SIK2: variants seen among roughly 807,000 people sequenced by gnomAD.
The protein encoded by SIK2 is salt inducible kinase 2.
Under a neutral mutation model 103.2 loss-of-function variants are expected in SIK2, and 29 were observed. The observed-to-expected ratio is 0.28, with a 90% CI of 0.21 to 0.38. The LOEUF (loss-of-function observed/expected upper bound fraction) is 0.38. SIK2 is among the 10% of genes least tolerant of loss of function. The pLI is 1.00. For synonymous variants in SIK2, 412 were observed against 446.1 expected (o/e 0.92, Z 0.96); for missense variants, 879 against 1,171.0 (o/e 0.75, Z 3.64).
chr11:111,615,201 A>G (rs1319699246), intron 1 of SIK2, among the ~76,000 whole-genome samples: 1 of 151,674 alleles, frequency 6.6e-6, no homozygotes, highest in Non-Finnish European at 1.5e-5. Context: ...CTGTAATCCC[A>G]GCACTTTGGG....
chr11:111,710,821 T>G (rs1943474295), intron 8 of SIK2, among the ~76,000 whole-genome samples: 1 of 152,182 alleles, frequency 6.6e-6, no homozygotes, highest in Non-Finnish European at 1.5e-5. Flanking sequence ...CAGGTCTTGG[T>G]AGAGGAGAAG....
chr11:111,604,390 A>C (rs1029168436), intron 1 of SIK2, among the ~76,000 whole-genome samples: 1 of 152,240 alleles, frequency 6.6e-6, no homozygotes, highest in Non-Finnish European at 1.5e-5. Flanking sequence ...TTGAATTCCA[A>C]ATCCATCAGT....
Position 111,701,481 on chromosome 11 carries a change from C to G in SIK2, c.633C>G (p.Val211=). The change falls in exon 6 of 15, where the codon GTC becomes GTG. Residue 211 remains valine, a synonymous_variant. Coordinates refer to ENST00000304987, the MANE Select transcript of SIK2 (RefSeq NM_015191.3). The surrounding 1 kb of genome is among the most constrained non-coding windows in gnomAD (Gnocchi z 4.2). ...WSMGVVLYVL[V]CGALPFDGPT... ...TGGGAGTTGTTCTTTATGTCCTTGT[C>G]TGTGGAGCTCTGCCCTTTGATGGAC... 1 of 1,613,838 alleles carries G rather than the reference C, an allele frequency of 6.2e-7. No homozygotes were observed. The highest frequency in any genetic ancestry group is 8.5e-7 in the Non-Finnish European group (1 of 1,179,816).
At chr11:111,609,398 T>G (rs1280165279) in intron 1 of SIK2, among the ~76,000 whole-genome samples, 2 of 152,128 alleles carry the variant, frequency 1.3e-5, no homozygotes, top group Admixed American at 1.3e-4. Context: ...TACACCTCAC[T>G]GCAGCCTCCA....
At chr11:111,623,415 T>C (rs149339988) in intron 3 of SIK2, among the ~76,000 whole-genome samples, 1 of 152,344 alleles carries the variant, frequency 6.6e-6, no homozygotes, top group East Asian at 1.9e-4. Flanking sequence ...TCATTACATG[T>C]CTGGTAGTCT....
At position 111,724,264 on chromosome 11, in the gene SIK2, C is replaced by T; in HGVS notation, c.*135C>T. ...AGAAATCGAGCCACCCAACTGGAAT[C>T]AGAGGGTCTGGCTGGGGTGGATGTT... On this transcript the variant is annotated 3_prime_UTR_variant, in exon 15 of 15. Transcript: ENST00000304987. 7 of 1,281,984 alleles carry T rather than the reference C, an allele frequency of 5.5e-6. No individual in the cohort carries two copies. The highest frequency in any genetic ancestry group is 6.3e-6 in the Non-Finnish European group (6 of 956,408). 79.4% of individuals were successfully genotyped at this position (1,281,984 alleles called of 1,614,324 possible).
At chr11:111,719,631 G>C in intron 9 of SIK2, 144 bp from the exon 10 acceptor site, 1 of 813,606 alleles carries the variant, frequency 1.2e-6, no homozygotes, top group Non-Finnish European at 1.9e-6. Context: ...TCTAATCTAT[G>C]TGTTGTCATG....
chr11:111,702,706 C>G (rs1304925423), intron 6 of SIK2, among the ~76,000 whole-genome samples: 1 of 152,142 alleles, frequency 6.6e-6, no homozygotes, highest in Admixed American at 6.5e-5. Context: ...CTCAAAGTTG[C>G]AGCAGTGCGG....
intron 1 of SIK2, among the ~76,000 whole-genome samples, chr11:111,615,576 C>T (rs1941795058): frequency 6.6e-6 from 1 of 152,040 alleles, no homozygotes; most frequent in African/African-American, 2.4e-5. Context: ...CATATGTAAT[C>T]CCTTCAAATT....
At chr11:111,672,398 T>TGGAGACA (rs1942641758) in intron 3 of SIK2, 8 of 446,136 alleles carry the variant, frequency 1.8e-5, no homozygotes, top group Non-Finnish European at 2.9e-5. Context: ...GTCACCCTGA[T>TGGAGACA]GGACACAGTG....
At position 111,729,159 on chromosome 11, in the gene SIK2, G is replaced by T. The variant is rs945848030; in HGVS notation, c.*5030G>T. 2 of 152,114 alleles carry T rather than the reference G, an allele frequency of 1.3e-5. No homozygotes were observed. Among genetic ancestry groups the T allele is most frequent in the Non-Finnish European group, 2.9e-5 (2 of 68,052 alleles). 9.4% of individuals were successfully genotyped at this position (152,114 alleles called of 1,614,324 possible). On this transcript the variant is annotated 3_prime_UTR_variant, in exon 15 of 15. Coordinates refer to ENST00000304987, the MANE Select transcript of SIK2 (RefSeq NM_015191.3). ...ATTTTACCATTTTTGTCCTAATTAA[G>T]GTAGCCTAGCTGATTCTAGAAGACA...
chr11:111,634,028 G>A (rs1416623381), intron 3 of SIK2, among the ~76,000 whole-genome samples: 1 of 152,170 alleles, frequency 6.6e-6, no homozygotes, highest in Admixed American at 6.5e-5. Context: ...ATCTTAGGGT[G>A]ATCACCTCGT....
Position 111,724,400 on chromosome 11 carries a change from G to A in SIK2, c.*271G>A. ...CGAGTGGAGCAAGCTCTCGAGGGCAGCACTGACAAATGTGTTCCTAAGAAG... is the reference window on the plus strand; with the variant it reads ...CGAGTGGAGCAAGCTCTCGAGGGCAACACTGACAAATGTGTTCCTAAGAAG... On this transcript the variant is annotated 3_prime_UTR_variant, in exon 15 of 15. Transcript: ENST00000304987. 4.2e-6 allele frequency: 2 copies of A among 478,654 alleles called. No individual in the cohort carries two copies. The highest frequency in any genetic ancestry group is 2.6e-5 in the South Asian group (1 of 37,976). The allele number at this position is 478,654 out of a possible 1,614,324, so 29.7% of individuals were successfully genotyped here. A position where few individuals can be genotyped will look rare whatever the true frequency, so the allele number is the denominator to read the frequency against.
chr11:111,631,898 C>T (rs1015424239), intron 3 of SIK2, among the ~76,000 whole-genome samples: 5 of 152,110 alleles, frequency 3.3e-5, no homozygotes, highest in South Asian at 4.1e-4. Context: ...AATGCATCTA[C>T]GGTGTGTGAT....
chr11:111,663,203 AGCCTGG>A lies in SIK2; in HGVS notation c.317-24795_317-24790del, dbSNP rs549793647. On this transcript the variant is annotated intron_variant, in intron 3 of 14. Transcript: ENST00000304987. Reference sequence around the variant, plus strand: ...AGTCGTGATCACACCACTGCACTCCAGCCTGGGCAACAGAGTGAGACCCTATTTCAA... The same window carrying A: ...AGTCGTGATCACACCACTGCACTCCAGCAACAGAGTGAGACCCTATTTCAA... 9.9e-5 allele frequency among the ~76,000 whole-genome samples: 15 copies of A among 151,178 alleles called. No individual in the cohort carries two copies. The South Asian group carries it at 1.7e-3, about 17-fold the overall frequency.
chr11:111,693,946 C>T (rs1167063537), intron 4 of SIK2, among the ~76,000 whole-genome samples: 3 of 152,168 alleles, frequency 2.0e-5, no homozygotes, highest in South Asian at 2.1e-4. Context: ...ACCTTGACCA[C>T]GTTTCCTGAC....
At chr11:111,642,153 T>C (rs1942191930) in intron 3 of SIK2, among the ~76,000 whole-genome samples, 1 of 152,132 alleles carries the variant, frequency 6.6e-6, no homozygotes, top group Admixed American at 6.5e-5. Context: ...AGGGGCTCCC[T>C]CCACACCAAC....
At chr11:111,677,714 C>T (rs1445032548) in intron 3 of SIK2, among the ~76,000 whole-genome samples, 2 of 151,552 alleles carry the variant, frequency 1.3e-5, no homozygotes, top group Non-Finnish European at 2.9e-5. Flanking sequence ...CAGGCTTGAG[C>T]CACCACGCCC....
At position 111,726,942 on chromosome 11, in the gene SIK2, GTTC is replaced by G. The variant is rs1943988550; in HGVS notation, c.*2816_*2818del. On this transcript the variant is annotated 3_prime_UTR_variant, in exon 15 of 15. Coordinates refer to ENST00000304987, the MANE Select transcript of SIK2 (RefSeq NM_015191.3). ...ATATGTGTGGTACTTTATTTTTTAT[GTTC>G]TTTTTTTAAATCTGGGGTATTAGTC... The G allele has an allele frequency of 6.2e-7, 1 of 1,607,448 alleles. No homozygotes were observed. The highest frequency in any genetic ancestry group is 8.5e-7 in the Non-Finnish European group (1 of 1,174,148).
Sources: allele counts gnomAD v4.1 joint callset (sites outside exome capture counted in the v4.1 genomes callset), GRCh38; gene constraint gnomAD v4.1.1; non-coding constraint Gnocchi (gnomAD v3.1); transcripts MANE v1.5; gene names NCBI Gene and HGNC (gene_info 2026-07-23, HGNC 2026-07-21).